The following KAZN variants were observed in gnomAD, a reference collection of about 807,000 sequenced individuals.
The protein encoded by KAZN is kazrin, periplakin interacting protein, also known as kazrin.
A neutral mutation model predicts 87.4 loss-of-function variants in KAZN; 40 were observed. That is an observed-to-expected ratio of 0.46 (90% CI 0.36 to 0.60). KAZN has a LOEUF of 0.60. Among genes scored for constraint, KAZN ranks in the 20% least tolerant of loss-of-function variants. The pLI is 0.00. For synonymous variants in KAZN, 466 were observed against 458.3 expected (o/e 1.02, Z -0.22); for missense variants, 898 against 1,073.9 (o/e 0.84, Z 2.29).
chr1:15,065,811 G>A, intron 8 of KAZN, 58 bp downstream of exon 8: 1 of 1,594,616 alleles, frequency 6.3e-7, no homozygotes, highest in African/African-American at 1.3e-5. Flanking sequence ...GCGCTCCCCT[G>A]CGCCTGCTGC....
At chr1:14,151,845 T>A (rs1424664077) in intron 1 of KAZN, among the ~76,000 whole-genome samples, 1 of 152,176 alleles carries the variant, frequency 6.6e-6, no homozygotes, top group East Asian at 1.9e-4. Flanking sequence ...AGTAGTAAAT[T>A]TTATTTTGGA....
At chr1:14,697,242 A>T (rs1297768662) in intron 1 of KAZN, among the ~76,000 whole-genome samples, 3 of 151,838 alleles carry the variant, frequency 2.0e-5, no homozygotes, top group Non-Finnish European at 4.4e-5. Context: ...AGGCAGGCGG[A>T]TTGTTTAAGC....
At chr1:14,826,429 C>G (rs1646887854) in intron 1 of KAZN, among the ~76,000 whole-genome samples, 2 of 152,234 alleles carry the variant, frequency 1.3e-5, no homozygotes, top group Non-Finnish European at 2.9e-5. Flanking sequence ...CAATTGCACT[C>G]AAGCCTGAGC....
intron 1 of KAZN, among the ~76,000 whole-genome samples, chr1:14,141,004 G>T (rs1645223454): frequency 6.6e-6 from 1 of 152,070 alleles, no homozygotes; most frequent in African/African-American, 2.4e-5. Flanking sequence ...AGGTGCCCAG[G>T]CCCAACTAGG....
At chr1:14,699,298 T>C (rs1260450497) in intron 1 of KAZN, among the ~76,000 whole-genome samples, 4 of 152,248 alleles carry the variant, frequency 2.6e-5, no homozygotes, top group Non-Finnish European at 4.4e-5. Flanking sequence ...TGGAATGCTC[T>C]TGGACTCCAT....
chr1:15,095,289 T>C (rs4661318), intron 10 of KAZN, among the ~76,000 whole-genome samples: 70,372 of 152,000 alleles, frequency 0.46, 18,554 homozygotes, highest in East Asian at 0.92. Context: ...CTGCTCCTGG[T>C]TCTTACCATA....
chr1:14,327,992 G>T (rs976672163), intron 2 of KAZN, among the ~76,000 whole-genome samples: 12 of 152,126 alleles, frequency 7.9e-5, no homozygotes, highest in African/African-American at 1.2e-4. Flanking sequence ...TGGATCACTT[G>T]TTTTTTTCTT....
chr1:14,695,829 C>G (rs1242110114), intron 1 of KAZN, among the ~76,000 whole-genome samples: 1 of 151,980 alleles, frequency 6.6e-6, no homozygotes, highest in Non-Finnish European at 1.5e-5. Flanking sequence ...CTATACCACT[C>G]TCCCTCACTG....
chr1:14,115,909 G>A (rs546499580), intron 1 of KAZN, among the ~76,000 whole-genome samples: 9 of 152,288 alleles, frequency 5.9e-5, no homozygotes, highest in Admixed American at 2.0e-4. Context: ...GTCTTGTTAC[G>A]TTTTACCAAA....
At chr1:14,614,545 CT>C (rs747091596) in intron 1 of KAZN, among the ~76,000 whole-genome samples, 20 of 152,226 alleles carry the variant, frequency 1.3e-4, no homozygotes, top group Admixed American at 5.9e-4. Flanking sequence ...GGGTGACCAT[CT>C]GCTGGGCCTG....
intron 1 of KAZN, among the ~76,000 whole-genome samples, chr1:14,871,081 C>G (rs962173841): frequency 6.6e-6 from 1 of 152,188 alleles, no homozygotes; most frequent in Non-Finnish European, 1.5e-5. Flanking sequence ...AGTGCTGTTG[C>G]CTGAGCCCAG....
intron 1 of KAZN, among the ~76,000 whole-genome samples, chr1:14,048,529 G>A (rs1642175491): frequency 6.6e-6 from 1 of 151,644 alleles, no homozygotes. Context: ...TCAGCCTCCT[G>A]AGTAGCTGGG....
chr1:14,965,697 T>C (rs1664383894), intron 2 of KAZN, among the ~76,000 whole-genome samples: 1 of 152,234 alleles, frequency 6.6e-6, no homozygotes, highest in Non-Finnish European at 1.5e-5. Flanking sequence ...GTTTGTTTGT[T>C]TGCCATTATA....
At chr1:15,114,279 C>T (rs906545935) in intron 14 of KAZN, 192 bp from the exon 15 acceptor site, 3 of 562,620 alleles carry the variant, frequency 5.3e-6, no homozygotes, top group Non-Finnish European at 6.4e-6. Flanking sequence ...CAAAGCTCTC[C>T]CCTAATGGTC....
chr1:15,036,748 G>T (rs1042289798), intron 3 of KAZN, among the ~76,000 whole-genome samples: 2 of 152,164 alleles, frequency 1.3e-5, no homozygotes, highest in Non-Finnish European at 2.9e-5. Flanking sequence ...GTCTGATGAT[G>T]CAGGTACACG....
intron 2 of KAZN, among the ~76,000 whole-genome samples, chr1:14,296,629 C>CTTTTTTTTTT (rs775666706): frequency 2.4e-5 from 2 of 82,764 alleles, no homozygotes; most frequent in African/African-American, 4.9e-5. Context: ...TTTTGTATTT[C>CTTTTTTTTTT]TTTTTTTTTT....
intron 2 of KAZN, among the ~76,000 whole-genome samples, chr1:14,320,519 A>C (rs1655977052): frequency 6.6e-6 from 1 of 151,968 alleles, no homozygotes; most frequent in African/African-American, 2.4e-5. Context: ...GCAACCCCCC[A>C]TTGCTCCATA....
intron 1 of KAZN, among the ~76,000 whole-genome samples, chr1:14,057,121 T>C (rs1642598697): frequency 6.6e-6 from 1 of 151,872 alleles, no homozygotes; most frequent in South Asian, 2.1e-4. Flanking sequence ...ACATTCTTTT[T>C]TTTGTTTTTT....
chr1:15,035,576 G>A (rs867346052), intron 3 of KAZN, among the ~76,000 whole-genome samples: 4 of 152,146 alleles, frequency 2.6e-5, no homozygotes, highest in Non-Finnish European at 4.4e-5. Context: ...GGCCAGGCAC[G>A]GTGGCTCACA....
Sources: allele counts gnomAD v4.1 joint callset (sites outside exome capture counted in the v4.1 genomes callset), GRCh38; gene constraint gnomAD v4.1.1; transcripts MANE v1.5; gene names NCBI Gene and HGNC (gene_info 2026-07-23, HGNC 2026-07-21).